TAF3: variants seen among roughly 807,000 people sequenced by gnomAD.
TAF3 encodes the protein TATA-box binding protein associated factor 3, also known as transcription initiation factor TFIID subunit 3.
TAF3 carries 7 observed loss-of-function variants against 80.6 expected under a neutral mutation model. The observed-to-expected ratio is 0.09, with a 90% CI of 0.05 to 0.16. The LOEUF (loss-of-function observed/expected upper bound fraction) is 0.16. Among genes scored for constraint, TAF3 ranks in the 10% least tolerant of loss-of-function variants. The probability of loss-of-function intolerance (pLI) is 1.00; values close to 1 mark genes in which losing one functional copy is unlikely to be tolerated. For missense variants in TAF3, 921 were observed against 1,140.2 expected, an observed-to-expected ratio of 0.81 and a Z score of 2.77; for synonymous variants, 444 against 446.1, an observed-to-expected ratio of 1.00 and a Z score of 0.06.
intron 2 of TAF3, among the ~76,000 whole-genome samples, chr10:7,873,245 CTTT>C (rs1837283519): frequency 6.6e-6 from 1 of 151,504 alleles, no homozygotes; most frequent in African/African-American, 2.4e-5. Context: ...TTTTTTCTAA[CTTT>C]ATGAAATACT....
rs1458020786 is a variant in TAF3, at chr10:7,965,272, T to C, written c.1762T>C (p.Tyr588His). ...TCTTAAAGAGGAAGAGGCAGATCCC[T>C]ACAAGTTTAAAATCAAAGAATTTGA... ...EFLKEEEADP[Y>H]KFKIKEFEDV... is the part of the protein sequence containing the mutation. The change falls in exon 3 of 7, where the codon TAC becomes CAC. Residue 588 changes from tyrosine (Y) to histidine (H), a missense_variant. Around this residue, in one of 6 missense-constraint regions of TAF3, gnomAD observed 743 missense variants for 821.0 expected, o/e 0.90. Transcript: ENST00000344293. 1 of 1,608,548 alleles carries C rather than the reference T, an allele frequency of 6.2e-7. No homozygotes were observed. The highest frequency in any genetic ancestry group is 2.2e-5 in the East Asian group (1 of 44,856).
At chr10:7,912,837 C>T (rs544686658) in intron 2 of TAF3, among the ~76,000 whole-genome samples, 9 of 152,228 alleles carry the variant, frequency 5.9e-5, no homozygotes, top group Admixed American at 5.9e-4. Flanking sequence ...GCTTTTTTTC[C>T]TTTCTGAATC....
chr10:7,955,187 A>G (rs768433934), intron 2 of TAF3, among the ~76,000 whole-genome samples: 2 of 152,160 alleles, frequency 1.3e-5, no homozygotes, highest in Non-Finnish European at 2.9e-5. Context: ...TTGTTTTTCA[A>G]CCTCTCTGCC....
At chr10:7,893,567 C>T (rs1837478408) in intron 2 of TAF3, among the ~76,000 whole-genome samples, 1 of 152,152 alleles carries the variant, frequency 6.6e-6, no homozygotes, top group Non-Finnish European at 1.5e-5. Flanking sequence ...GCTTTTGTTG[C>T]TGTAGCTAGT....
chr10:7,968,087 C>T (rs1042507054), intron 3 of TAF3, among the ~76,000 whole-genome samples: 4 of 152,020 alleles, frequency 2.6e-5, no homozygotes, highest in Non-Finnish European at 4.4e-5. Context: ...CCATATGGTC[C>T]GAGAATTTTC....
rs144209853 is a variant in TAF3, at chr10:7,880,196, T to C, written c.409+55636T>C. Among the ~76,000 whole-genome samples the C allele has an allele frequency of 1.7e-4, 26 of 152,248 alleles. 1 individual carries two copies. In the East Asian group the frequency reaches 4.8e-3, roughly 28 times the overall value. On this transcript the variant is annotated intron_variant, in intron 2 of 6. Coordinates refer to ENST00000344293, the MANE Select transcript of TAF3 (RefSeq NM_031923.4). ...CTAGGCTGCAGTGAGCTATGATCACTCACTGCTCTCCAGCCTGGGTGACAG... is the reference window on the plus strand; with the variant it reads ...CTAGGCTGCAGTGAGCTATGATCACCCACTGCTCTCCAGCCTGGGTGACAG...
chr10:7,925,109 G>T lies in TAF3; in HGVS notation c.410-38811G>T, dbSNP rs79191449. Among the ~76,000 whole-genome samples the T allele has an allele frequency of 3.3e-3, 506 of 152,238 alleles. 1 individual carries two copies. Among genetic ancestry groups the T allele is most frequent in the African/African-American group, 0.011 (466 of 41,544 alleles). On this transcript the variant is annotated intron_variant, in intron 2 of 6. Transcript: ENST00000344293. ...ACCACAGAGGTATTAACTAATACTG[G>T]CAACTTAACGAGTTTTCTGTGAACC...
intron 4 of TAF3, 106 bp downstream of exon 4, chr10:7,977,429 G>A: frequency 2.1e-6 from 2 of 969,462 alleles, no homozygotes; most frequent in East Asian, 2.5e-5. Context: ...GTATGAACCT[G>A]TAGGGTCAAG....
chr10:7,827,791 AAAAAAC>A (rs1302127672), intron 2 of TAF3, among the ~76,000 whole-genome samples: 1 of 150,180 alleles, frequency 6.7e-6, no homozygotes, highest in East Asian at 2.0e-4. Context: ...AAAAAAAAAA[AAAAAAC>A]AAAAACAAAA....
chr10:7,956,905 A>G (rs1838141449), intron 2 of TAF3, among the ~76,000 whole-genome samples: 1 of 152,034 alleles, frequency 6.6e-6, no homozygotes, highest in Non-Finnish European at 1.5e-5. Context: ...GTATTACCAC[A>G]CTGTTTTAGG....
At chr10:7,846,178 C>T (rs1190740522) in intron 2 of TAF3, among the ~76,000 whole-genome samples, 3 of 152,024 alleles carry the variant, frequency 2.0e-5, no homozygotes, top group South Asian at 2.1e-4. Context: ...AGGACGGTCT[C>T]GATCTCCTGA....
chr10:7,927,955 T>C (rs187959742), intron 2 of TAF3, among the ~76,000 whole-genome samples: 54 of 125,362 alleles, frequency 4.3e-4, no homozygotes, highest in Admixed American at 9.5e-4. Context: ...ATCTGGACAT[T>C]GTTTTTTTGC....
chr10:7,902,004 A>T (rs1837562696), intron 2 of TAF3, among the ~76,000 whole-genome samples: 1 of 152,064 alleles, frequency 6.6e-6, no homozygotes, highest in African/African-American at 2.4e-5. Flanking sequence ...TTATGTTCGG[A>T]ACCACTGAGA....
intron 2 of TAF3, 36 bp downstream of exon 2, chr10:7,824,596 A>G (rs1354888342): frequency 1.3e-6 from 2 of 1,595,136 alleles, no homozygotes; most frequent in East Asian, 2.2e-5. Context: ...GTTAGTGATT[A>G]TTTTAATGGA....
chr10:7,991,146 CTTTCTTATGT>C (rs1831829473), intron 4 of TAF3, among the ~76,000 whole-genome samples: 1 of 151,932 alleles, frequency 6.6e-6, no homozygotes, highest in Non-Finnish European at 1.5e-5. Flanking sequence ...ATTTTGGAAA[CTTTCTTATGT>C]ACATAGATAC....
chr10:7,884,068 G>A (rs1425188376), intron 2 of TAF3, among the ~76,000 whole-genome samples: 4 of 152,126 alleles, frequency 2.6e-5, no homozygotes, highest in Non-Finnish European at 4.4e-5. Context: ...AGTGACAGGA[G>A]CAGACCCCTC....
intron 4 of TAF3, among the ~76,000 whole-genome samples, chr10:7,993,217 C>T (rs1167185475): frequency 4.6e-5 from 7 of 152,132 alleles, no homozygotes; most frequent in African/African-American, 1.2e-4. Flanking sequence ...CTTACTCTGT[C>T]GCCCAGGCTG....
At chr10:7,822,419 TAAG>T (rs991812029) in intron 1 of TAF3, among the ~76,000 whole-genome samples, 14 of 152,158 alleles carry the variant, frequency 9.2e-5, no homozygotes, top group South Asian at 2.1e-4. Context: ...TTACATTCAG[TAAG>T]AAGAAGAGTA....
chr10:7,866,170 CA>C (rs1341328605), intron 2 of TAF3, among the ~76,000 whole-genome samples: 1 of 152,200 alleles, frequency 6.6e-6, no homozygotes, highest in Non-Finnish European at 1.5e-5. Context: ...TTCCTTTTAT[CA>C]TTAGCAAATG....
Sources: gnomAD v4.1 joint callset for allele counts (sites outside exome capture counted in the v4.1 genomes callset) on GRCh38, gnomAD v4.1.1 for gene constraint, gnomAD v4.1.1 regional missense constraint, MANE v1.5 for transcripts, NCBI Gene and HGNC (gene_info 2026-07-23, HGNC 2026-07-21) for gene names.